The following MBNL1 variants were observed in gnomAD, a reference collection of about 807,000 sequenced individuals.
MBNL1 encodes the protein muscleblind like splicing regulator 1, also known as muscleblind-like protein 1.
Under a neutral mutation model 42.2 loss-of-function variants are expected in MBNL1, and 8 were observed. That is an observed-to-expected ratio of 0.19 (90% confidence interval 0.11 to 0.34). The LOEUF (loss-of-function observed/expected upper bound fraction) is 0.34, where lower values mean the gene tolerates loss of function less well. MBNL1 is among the 10% of genes least tolerant of loss of function. The pLI, the probability that MBNL1 is intolerant of heterozygous loss-of-function variation, is 1.00. For synonymous variants in MBNL1, 169 were observed against 173.9 expected (o/e 0.97, Z 0.22); for missense variants, 309 against 495.3 (o/e 0.62, Z 3.57).
chr3:152,353,900 A>G (rs1560263358), intron 2 of MBNL1, among the ~76,000 whole-genome samples: 2 of 152,124 alleles, frequency 1.3e-5, no homozygotes, highest in South Asian at 4.1e-4. Flanking sequence ...ATGAGCATAA[A>G]TTTTATCTTC....
intron 2 of MBNL1, among the ~76,000 whole-genome samples, chr3:152,255,850 C>CGACTCCAGGAAGAGTAGTTCAGGAAGAGT (rs1323111131): frequency 6.6e-6 from 1 of 152,062 alleles, no homozygotes. Flanking sequence ...ACCATGCAGA[C>CGACTCCAGGAAGAGTAGTTCAGGAAGAGT]GACTCCAGGA....
At chr3:152,251,189 C>G (rs1009266248) in intron 2 of MBNL1, among the ~76,000 whole-genome samples, 1 of 152,058 alleles carries the variant, frequency 6.6e-6, no homozygotes, top group Non-Finnish European at 1.5e-5. Context: ...CAAATAATGT[C>G]TTTTTAAATA....
chr3:152,245,020 A>G (rs1278923021), intron 2 of MBNL1, among the ~76,000 whole-genome samples: 1 of 152,072 alleles, frequency 6.6e-6, no homozygotes, highest in African/African-American at 2.4e-5. Context: ...TAAAATTTTA[A>G]ATGAAATATG....
chr3:152,365,679 A>C (rs1201309590), intron 2 of MBNL1, among the ~76,000 whole-genome samples: 1 of 152,188 alleles, frequency 6.6e-6, no homozygotes, highest in African/African-American at 2.4e-5. Flanking sequence ...GTTTGTGTAC[A>C]ACTGATATAA....
chr3:152,282,586 T>G lies in MBNL1; in HGVS notation c.-790+13494T>G, dbSNP rs191448531. ...AGTAAACAGTTATAAAATTTAGACA[T>G]CTCTCAATTTTCAAATTGGCCATTG... On this transcript the variant is annotated intron_variant, in intron 1 of 9. Transcript: ENST00000324210. 1.9e-3 allele frequency among the ~76,000 whole-genome samples: 290 copies of G among 152,208 alleles called. 1 individual carries two copies. Among genetic ancestry groups the G allele is most frequent in the Non-Finnish European group, 3.1e-3 (210 of 68,000 alleles).
At chr3:152,267,771 G>A (rs1454690762), upstream of MBNL1, 2 of 152,198 alleles carry the variant, frequency 1.3e-5, no homozygotes, top group Admixed American at 6.5e-5. Context: ...GCCTCTGGAA[G>A]ATATTTCTGC....
chr3:152,278,710 A>G (rs187475585), intron 1 of MBNL1, among the ~76,000 whole-genome samples: 1 of 152,260 alleles, frequency 6.6e-6, no homozygotes, highest in East Asian at 1.9e-4. Flanking sequence ...CTTTTCCCTT[A>G]AAACATTACT....
At chr3:152,380,132 C>T (rs1232751409) in intron 2 of MBNL1, among the ~76,000 whole-genome samples, 1 of 152,066 alleles carries the variant, frequency 6.6e-6, no homozygotes, top group Non-Finnish European at 1.5e-5. Flanking sequence ...CTATTCGTCA[C>T]TTACTGTTAG....
At chr3:152,418,053 T>C (rs1028385399) in intron 3 of MBNL1, among the ~76,000 whole-genome samples, 4 of 152,214 alleles carry the variant, frequency 2.6e-5, no homozygotes, top group Admixed American at 6.5e-5. Flanking sequence ...CTTTGTGAGC[T>C]TCTATTGAAA....
chr3:152,405,057 T>C (rs1379509346), intron 2 of MBNL1, among the ~76,000 whole-genome samples: 5 of 152,192 alleles, frequency 3.3e-5, no homozygotes, highest in Non-Finnish European at 7.4e-5. Context: ...GGAAATGCTA[T>C]GTGGATTAGT....
intron 2 of MBNL1, among the ~76,000 whole-genome samples, chr3:152,311,673 TA>T (rs2066566943): frequency 6.6e-6 from 1 of 151,858 alleles, no homozygotes; most frequent in African/African-American, 2.4e-5. Context: ...ACATTAATTT[TA>T]ATGATGTATT....
chr3:152,264,919 T>G (rs926344596), upstream of MBNL1: 1 of 152,012 alleles, frequency 6.6e-6, no homozygotes, highest in Non-Finnish European at 1.5e-5. Flanking sequence ...ATATATCAAA[T>G]ATATACATAG....
chr3:152,292,726 A>G (rs1335327159), intron 1 of MBNL1, among the ~76,000 whole-genome samples: 1 of 151,522 alleles, frequency 6.6e-6, no homozygotes, highest in Non-Finnish European at 1.5e-5. Context: ...ATTTGTGTGT[A>G]TATGTATCTA....
At chr3:152,325,533 A>G (rs974957954) in intron 2 of MBNL1, among the ~76,000 whole-genome samples, 2 of 152,156 alleles carry the variant, frequency 1.3e-5, no homozygotes, top group African/African-American at 2.4e-5. Flanking sequence ...CACAAAATAT[A>G]TTGAAGATAT....
chr3:152,461,299 T>C (rs1394281979), intron 9 of MBNL1, among the ~76,000 whole-genome samples: 1 of 152,244 alleles, frequency 6.6e-6, no homozygotes, highest in East Asian at 1.9e-4. Context: ...GATTTTTGTC[T>C]ATTTCATAAG....
intron 2 of MBNL1, among the ~76,000 whole-genome samples, chr3:152,392,815 T>A (rs2097775333): frequency 6.6e-6 from 1 of 152,196 alleles, no homozygotes; most frequent in African/African-American, 2.4e-5. Flanking sequence ...TTTTTTGCAG[T>A]AATGTCAGGG....
At chr3:152,404,588 T>G in intron 2 of MBNL1, among the ~76,000 whole-genome samples, 1 of 151,910 alleles carries the variant, frequency 6.6e-6, no homozygotes, top group East Asian at 1.9e-4. Context: ...TTTCCTTTAG[T>G]TACTTTTATA....
At chr3:152,260,981 T>G (rs972424726) in intron 2 of MBNL1, among the ~76,000 whole-genome samples, 1 of 152,170 alleles carries the variant, frequency 6.6e-6, no homozygotes, top group Non-Finnish European at 1.5e-5. Flanking sequence ...TGCAGATAAT[T>G]CTGTTTCTAT....
chr3:152,323,215 TGA>T (rs927816039), intron 2 of MBNL1, among the ~76,000 whole-genome samples: 1 of 152,150 alleles, frequency 6.6e-6, no homozygotes, highest in African/African-American at 2.4e-5. Context: ...TATTTTTAAA[TGA>T]TAAAGGAACT....
Sources: gnomAD v4.1 joint callset for allele counts (sites outside exome capture counted in the v4.1 genomes callset) on GRCh38, gnomAD v4.1.1 for gene constraint, MANE v1.5 for transcripts, NCBI Gene and HGNC (gene_info 2026-07-23, HGNC 2026-07-21) for gene names.